The following C8A variants were observed in gnomAD, a reference collection of about 807,000 sequenced individuals.
C8A encodes complement component C8 alpha chain.
C8A carries 67 observed loss-of-function variants against 65.3 expected under a neutral mutation model. The observed-to-expected ratio is 1.03, with a 90% CI of 0.84 to 1.26. The LOEUF (loss-of-function observed/expected upper bound fraction) is 1.26. Ranked by LOEUF, C8A falls within the 50% of genes most tolerant of loss-of-function variation. C8A has a pLI of 0.00. For missense variants in C8A, 781 were observed against 723.9 expected, an observed-to-expected ratio of 1.08 and a Z score of -0.90; for synonymous variants, 290 against 259.4, an observed-to-expected ratio of 1.12 and a Z score of -1.13.
intron 4 of C8A, among the ~76,000 whole-genome samples, chr1:56,878,042 C>T (rs1258698170): frequency 1.3e-5 from 2 of 152,194 alleles, no homozygotes; most frequent in Non-Finnish European, 2.9e-5. Context: ...GACTAGAAGT[C>T]TGAAGTCAGG....
Position 56,912,563 on chromosome 1 carries a change from G to T in C8A, c.1541G>T (p.Ser514Ile). Residue 514 changes from serine (S) to isoleucine (I), a missense_variant, in exon 10 of 11, where the codon AGC becomes ATC. Physicochemically the swap from Ser to Ile is moderately radical, Grantham distance 142 (BLOSUM62 -2). Transcript: ENST00000361249. ...GGGGTGCCCATCCTCGAGGGCACCA[G>T]CTGCAGGTGCCAGTGCCGCCTGGGT... Reference protein sequence around the residue: ...NNGVPILEGTSCRCQCRLGSL... With the variant: ...NNGVPILEGTICRCQCRLGSL... The T allele has an allele frequency of 1.2e-6, 2 of 1,614,238 alleles. No homozygotes were observed. The highest frequency in any genetic ancestry group is 1.7e-6 in the Non-Finnish European group (2 of 1,180,044).
At chr1:56,857,195 A>G (rs1475778056) in intron 1 of C8A, among the ~76,000 whole-genome samples, 3 of 151,890 alleles carry the variant, frequency 2.0e-5, no homozygotes, top group African/African-American at 7.2e-5. Flanking sequence ...ATCTTGTTCT[A>G]TTGATTACTG....
At chr1:56,896,145 G>C (rs1644385505) in intron 7 of C8A, among the ~76,000 whole-genome samples, 1 of 152,112 alleles carries the variant, frequency 6.6e-6, no homozygotes, top group Non-Finnish European at 1.5e-5. Flanking sequence ...GCATTGGGAA[G>C]TGTATTAGTC....
intron 1 of C8A, 110 bp downstream of exon 1, chr1:56,855,088 C>A: frequency 1.2e-6 from 1 of 851,100 alleles, no homozygotes; most frequent in Non-Finnish European, 2.0e-6. Context: ...AAAATAACCT[C>A]TTTTCATGTT....
chr1:56,899,049 T>G (rs1644406128), intron 7 of C8A, among the ~76,000 whole-genome samples: 1 of 152,112 alleles, frequency 6.6e-6, no homozygotes, highest in South Asian at 2.1e-4. Context: ...TCTAACAAGC[T>G]CCAGGCTTTA....
intron 7 of C8A, among the ~76,000 whole-genome samples, chr1:56,902,699 T>C (rs1236219855): frequency 2.6e-5 from 4 of 152,186 alleles, no homozygotes; most frequent in African/African-American, 9.6e-5. Context: ...TGATTCTATA[T>C]ATCTGACTAT....
At chr1:56,881,752 T>C (rs1644250439) in intron 5 of C8A, 118 bp downstream of exon 5, 3 of 966,714 alleles carry the variant, frequency 3.1e-6, no homozygotes, top group South Asian at 1.3e-5. Context: ...TTTGCTGGTG[T>C]CTGAAGTCTC....
At chr1:56,906,321 G>T (rs958867475) in intron 7 of C8A, among the ~76,000 whole-genome samples, 1 of 152,144 alleles carries the variant, frequency 6.6e-6, no homozygotes, top group African/African-American at 2.4e-5. Context: ...TCAGGGTAAT[G>T]GTGCCTATCA....
At chr1:56,880,000 T>G (rs1184186995) in intron 4 of C8A, among the ~76,000 whole-genome samples, 1 of 152,138 alleles carries the variant, frequency 6.6e-6, no homozygotes, top group Non-Finnish European at 1.5e-5. Flanking sequence ...GAAACAGCAG[T>G]CTTTCCAGAG....
Position 56,886,074 on chromosome 1 carries a change from A to C in C8A, c.1003A>C (p.Asn335His). 2.5e-6 allele frequency: 4 copies of C among 1,614,022 alleles called. No homozygotes were observed. Among genetic ancestry groups the C allele is most frequent in the Non-Finnish European group, 3.4e-6 (4 of 1,179,908 alleles). ...TTATGGCATGTATGCCAAGTTCATC[A>C]ATGACTATGGCACCCATTACATCAC... ...YNYGMYAKFI[N>H]DYGTHYITSG... The change falls in exon 7 of 11, where the codon AAT becomes CAT. Residue 335 changes from asparagine to histidine, a missense_variant. By Grantham distance (68) the Asn-to-His change is moderately conservative (BLOSUM62 1). Coordinates refer to ENST00000361249, the MANE Select transcript of C8A (RefSeq NM_000562.3).
At position 56,875,004 on chromosome 1, in the gene C8A, G is replaced by A; in HGVS notation, c.227G>A (p.Gly76Asp). The change falls in exon 3 of 11, where the codon GGT becomes GAT. Residue 76 changes from glycine to aspartate, a missense_variant. Gly to Asp is a moderately conservative substitution (Grantham distance 94). Transcript: ENST00000361249. ...AAGTTTGGGGGAACCATCTGCAGTG[G>A]TGACATCTGGGATCAAGCCAGCTGC... Reference protein sequence around the residue: ...PNKFGGTICSGDIWDQASCSS... With the variant: ...PNKFGGTICSDDIWDQASCSS... 6.2e-7 allele frequency: 1 copy of A among 1,613,780 alleles called. No individual in the cohort carries two copies. Among genetic ancestry groups the A allele is most frequent in the Non-Finnish European group, 8.5e-7 (1 of 1,179,826 alleles).
At chr1:56,871,501 A>T (rs1644147070) in intron 2 of C8A, among the ~76,000 whole-genome samples, 1 of 152,212 alleles carries the variant, frequency 6.6e-6, no homozygotes, top group Non-Finnish European at 1.5e-5. Flanking sequence ...ATTTCTTTAC[A>T]TGTGTTATGA....
At chr1:56,888,782 A>G (rs629799) in intron 7 of C8A, among the ~76,000 whole-genome samples, 102,053 of 152,034 alleles carry the variant, frequency 0.67, 35,558 homozygotes, top group East Asian at 0.89. Flanking sequence ...GCACCTACTA[A>G]GTTTCGGGGG....
intron 7 of C8A, among the ~76,000 whole-genome samples, chr1:56,888,619 T>C (rs1644319721): frequency 6.6e-6 from 1 of 152,158 alleles, no homozygotes; most frequent in Non-Finnish European, 1.5e-5. Context: ...AAAACATGCA[T>C]ATTTGTATCG....
At chr1:56,899,876 TACAGATGGGAAA>T (rs1304464398) in intron 7 of C8A, among the ~76,000 whole-genome samples, 2 of 152,176 alleles carry the variant, frequency 1.3e-5, no homozygotes, top group Non-Finnish European at 2.9e-5. Context: ...ATCCCCATCT[TACAGATGGGAAA>T]ACTGGGGCAA....
intron 2 of C8A, 109 bp from the exon 3 acceptor site, chr1:56,874,840 C>G: frequency 8.2e-7 from 1 of 1,225,070 alleles, no homozygotes; most frequent in Non-Finnish European, 1.2e-6. Flanking sequence ...AGGCAGGTCT[C>G]AATCATTAGA....
Position 56,899,619 on chromosome 1 carries a change from G to A in C8A, c.1097-7048G>A, listed in dbSNP as rs78658174. Reference sequence around the variant, plus strand: ...CGCTCCTGGGCTAACCACTTATACTGCAGAAATGCCCATTAAGAAAACCTG... The same window carrying A: ...CGCTCCTGGGCTAACCACTTATACTACAGAAATGCCCATTAAGAAAACCTG... On this transcript the variant is annotated intron_variant, in intron 7 of 10. Coordinates refer to ENST00000361249, the MANE Select transcript of C8A (RefSeq NM_000562.3). Among the ~76,000 whole-genome samples, 411 of 152,218 alleles carry A rather than the reference G, an allele frequency of 2.7e-3. 4 individuals carry two copies. The highest frequency in any genetic ancestry group is 9.6e-3 in the African/African-American group (397 of 41,534).
At chr1:56,886,480 C>A (rs947938463) in intron 7 of C8A, among the ~76,000 whole-genome samples, 1 of 152,056 alleles carries the variant, frequency 6.6e-6, no homozygotes, top group Non-Finnish European at 1.5e-5. Context: ...AATGTGAAAA[C>A]CTGTTTTAAA....
At chr1:56,879,122 G>A (rs917969893) in intron 4 of C8A, among the ~76,000 whole-genome samples, 2 of 152,072 alleles carry the variant, frequency 1.3e-5, no homozygotes, top group African/African-American at 4.8e-5. Flanking sequence ...TTGAGTAGTT[G>A]CAACACAGCC....
Sources: allele counts gnomAD v4.1 joint callset (sites outside exome capture counted in the v4.1 genomes callset), GRCh38; gene constraint gnomAD v4.1.1; transcripts MANE v1.5; gene names NCBI Gene and HGNC (gene_info 2026-07-23, HGNC 2026-07-21).